The following CFL1 variants were observed in gnomAD, a reference collection of about 807,000 sequenced individuals.
CFL1 encodes the protein cofilin 1.
A neutral mutation model predicts 16.3 loss-of-function variants in CFL1; 2 were observed. That is an observed-to-expected ratio of 0.12 (90% CI 0.05 to 0.39). CFL1 has a LOEUF of 0.39. Among genes scored for constraint, CFL1 ranks in the 10% least tolerant of loss-of-function variants. The probability of loss-of-function intolerance (pLI) is 0.99; values close to 1 mark genes in which losing one functional copy is unlikely to be tolerated. For synonymous variants in CFL1, 111 were observed against 84.4 expected (o/e 1.31, Z -1.73); for missense variants, 75 against 212.2 (o/e 0.35, Z 4.02).
Position 65,855,728 on chromosome 11 carries a change from G to A in CFL1, c.314C>T (p.Ala105Val). 1.3e-6 allele frequency: 2 copies of A among 1,542,840 alleles called. No individual in the cohort carries two copies. The highest frequency in any genetic ancestry group is 1.7e-6 in the Non-Finnish European group (2 of 1,147,152). The change falls in exon 3 of 4, where the codon GCC (alanine) becomes GTC (valine). Residue 105 changes from alanine (A) to valine (V), a missense_variant and splice_region_variant. Transcript: ENST00000308162. ...KKEDLVFIFW[A>V]PESAPLKSKM... ...GCTCTTAAGGGGCGCAGACTCGGGG[G>A]CCCTGGACAGAAACACGCGTCAGGC...
chr11:65,855,062 C>A lies in CFL1; in HGVS notation c.*274G>T, dbSNP rs1488655836. On this transcript the variant is annotated 3_prime_UTR_variant, in exon 4 of 4. Transcript: ENST00000308162. Reference sequence around the variant, plus strand: ...TTGTTAAAAAAAATACAGGCTCCCCCACAACTGGGGTGCCTGGGGGGAACT... The same window carrying A: ...TTGTTAAAAAAAATACAGGCTCCCCAACAACTGGGGTGCCTGGGGGGAACT... 4.8e-6 allele frequency: 2 copies of A among 415,450 alleles called. No homozygotes were observed. Among genetic ancestry groups the A allele is most frequent in the Non-Finnish European group, 8.9e-6 (2 of 223,794 alleles). 25.7% of individuals were successfully genotyped at this position (415,450 alleles called of 1,614,324 possible). A position where few individuals can be genotyped will look rare whatever the true frequency, so the allele number is the denominator to read the frequency against.
chr11:65,855,510 G>A (rs1859369513), intron 3 of CFL1, 62 bp from the exon 4 acceptor site: 11 of 1,577,768 alleles, frequency 7.0e-6, no homozygotes, highest in Non-Finnish European at 9.6e-6. Flanking sequence ...TAGTTTCTGT[G>A]GCTGGGAAGG....
intron 1 of CFL1, chr11:65,857,436 G>A (rs968905466): frequency 9.2e-6 from 4 of 434,936 alleles, no homozygotes; most frequent in South Asian, 4.8e-5. Flanking sequence ...GCACGGGTGA[G>A]AACGCAGCTC....
Position 65,854,813 on chromosome 11 carries a change from TTTATTA to T in CFL1, c.*517_*522del, listed in dbSNP as rs1395242863. ...AAAACACATCCCATTAATGAGCCTTTTTATTATTGTCTTTTTTTTTTTTAATCGAAG... is the reference window on the plus strand; with the variant it reads ...AAAACACATCCCATTAATGAGCCTTTTTGTCTTTTTTTTTTTTAATCGAAG... On this transcript the variant is annotated 3_prime_UTR_variant, in exon 4 of 4. Transcript: ENST00000308162. 2 of 153,730 alleles carry T rather than the reference TTTATTA, an allele frequency of 1.3e-5. No homozygotes were observed. The highest frequency in any genetic ancestry group is 2.4e-5 in the African/African-American group (1 of 41,094). The allele number at this position is 153,730 out of a possible 1,614,324, so 9.5% of individuals were successfully genotyped here.
Position 65,854,975 on chromosome 11 carries a change from C to T in CFL1, c.*361G>A, listed in dbSNP as rs1393352800. 4 of 288,796 alleles carry T rather than the reference C, an allele frequency of 1.4e-5. No homozygotes were observed. Among genetic ancestry groups the T allele is most frequent in the Non-Finnish European group, 2.7e-5 (4 of 145,462 alleles). The allele number at this position is 288,796 out of a possible 1,614,324, so 17.9% of individuals were successfully genotyped here. ...AGAACTAAACAGACAAGCACAGAGTCACTATTGCGGTTAGAAGTTGGCAGC... is the reference window on the plus strand; with the variant it reads ...AGAACTAAACAGACAAGCACAGAGTTACTATTGCGGTTAGAAGTTGGCAGC... On this transcript the variant is annotated 3_prime_UTR_variant, in exon 4 of 4. Transcript: ENST00000308162.
chr11:65,855,870 G>C, intron 2 of CFL1, 65 bp downstream of exon 2: 1 of 1,558,800 alleles, frequency 6.4e-7, no homozygotes, highest in Non-Finnish European at 8.7e-7. Flanking sequence ...TTGACCAGGA[G>C]CCACAGAAGT....
In CFL1 at chr11:65,858,053, C is replaced by T. The variant is rs1228596067; in HGVS notation, c.3+44G>A. On this transcript the variant is annotated intron_variant, in intron 1 of 3. Transcript: ENST00000308162. ...CAGTCGCTTCCCGCGCGCAGGCGAC[C>T]GACCCGCAGCCGCCTCCCTCAGGCG... 3.7e-5 allele frequency: 57 copies of T among 1,522,190 alleles called. No individual in the cohort carries two copies. Among genetic ancestry groups the T allele is most frequent in the Non-Finnish European group, 4.6e-5 (52 of 1,135,944 alleles). The allele number at this position is 1,522,190 out of a possible 1,614,324, so 94.3% of individuals were successfully genotyped here.
rs1043776880 is a variant in CFL1 at position 65,855,266 on chromosome 11, G to C, written c.*70C>G. The stretch of plus-strand genomic sequence containing the variant: ...CCAGCCCCTCCGGTCTGGCAGGAAG[G>C]GGGCAGCCTGCAACCCCCAAGGGCA... On this transcript the variant is annotated 3_prime_UTR_variant, in exon 4 of 4. Transcript: ENST00000308162. The C allele has an allele frequency of 9.0e-6, 12 of 1,332,036 alleles. No homozygotes were observed. The East Asian group carries it at 2.1e-4, about 23-fold the overall frequency. The allele number at this position is 1,332,036 out of a possible 1,614,324, so 82.5% of individuals were successfully genotyped here.
intron 1 of CFL1, chr11:65,857,134 G>A (rs374321418): frequency 1.9e-5 from 3 of 160,390 alleles, no homozygotes; most frequent in Non-Finnish European, 2.8e-5. Flanking sequence ...GCATCTCCAG[G>A]TCCCTAACCC....
rs949801861 is a variant in CFL1, at chr11:65,858,118, G to C, written c.-19C>G. The C allele has an allele frequency of 7.2e-6, 11 of 1,530,666 alleles. No homozygotes were observed. In the Middle Eastern group the frequency reaches 6.9e-4, roughly 97 times the overall value. The allele number at this position is 1,530,666 out of a possible 1,614,324, so 94.8% of individuals were successfully genotyped here. A position where few individuals can be genotyped will look rare whatever the true frequency, so the allele number is the denominator to read the frequency against. On this transcript the variant is annotated 5_prime_UTR_variant, in exon 1 of 4. Transcript: ENST00000308162. ...TCACCATGTTTCCGGAAACGAAAAG[G>C]AGAGGGCACCGAGAGCCGCAGAAGA...
intron 1 of CFL1, 63 bp from the exon 2 acceptor site, chr11:65,856,305 A>C (rs1412920152): frequency 6.6e-7 from 1 of 1,517,716 alleles, no homozygotes; most frequent in East Asian, 2.3e-5. Flanking sequence ...TTGTTTTTTC[A>C]GAAGATCTCA....
chr11:65,856,234 A>G lies in CFL1; in HGVS notation c.12T>C (p.Gly4=). 1 of 1,613,288 alleles carries G rather than the reference A, an allele frequency of 6.2e-7. No individual in the cohort carries two copies. The highest frequency in any genetic ancestry group is 8.5e-7 in the Non-Finnish European group (1 of 1,179,266). ...TGATGACACCATCAGAGACAGCCACACCGGAGGCCTAGGAGACATGCCACG... is the reference window on the plus strand; with the variant it reads ...TGATGACACCATCAGAGACAGCCACGCCGGAGGCCTAGGAGACATGCCACG... MAS[G]VAVSDGVIKV... Residue 4 remains glycine (G), a synonymous_variant, in exon 2 of 4, where the codon GGT becomes GGC. Coordinates refer to ENST00000308162, the MANE Select transcript of CFL1 (RefSeq NM_005507.3).
At position 65,855,280 on chromosome 11, in the gene CFL1, C is replaced by T; in HGVS notation, c.*56G>A. 6.8e-7 allele frequency: 1 copy of T among 1,470,850 alleles called. No individual in the cohort carries two copies. The highest frequency in any genetic ancestry group is 9.5e-7 in the Non-Finnish European group (1 of 1,053,294). 91.1% of individuals were successfully genotyped at this position (1,470,850 alleles called of 1,614,324 possible). On this transcript the variant is annotated 3_prime_UTR_variant, in exon 4 of 4. Coordinates refer to ENST00000308162, the MANE Select transcript of CFL1 (RefSeq NM_005507.3). Reference sequence around the variant, plus strand: ...CTGGCAGGAAGGGGGCAGCCTGCAACCCCCAAGGGCAGGTGTGGGGCTGCC... The same window carrying T: ...CTGGCAGGAAGGGGGCAGCCTGCAATCCCCAAGGGCAGGTGTGGGGCTGCC...
rs1331844927 is a variant in CFL1, at chr11:65,855,261, G to A, written c.*75C>T. 7 of 1,279,476 alleles carry A rather than the reference G, an allele frequency of 5.5e-6. No homozygotes were observed. The highest frequency in any genetic ancestry group is 6.8e-6 in the Non-Finnish European group (6 of 882,720). The allele number at this position is 1,279,476 out of a possible 1,614,324, so 79.3% of individuals were successfully genotyped here. A position where few individuals can be genotyped will look rare whatever the true frequency, so the allele number is the denominator to read the frequency against. On this transcript the variant is annotated 3_prime_UTR_variant, in exon 4 of 4. Transcript: ENST00000308162. ...TCCCCCCAGCCCCTCCGGTCTGGCA[G>A]GAAGGGGGCAGCCTGCAACCCCCAA...
chr11:65,855,788 G>A, intron 2 of CFL1, 58 bp from the exon 3 acceptor site: 1 of 1,518,876 alleles, frequency 6.6e-7, no homozygotes, highest in Non-Finnish European at 8.8e-7. Flanking sequence ...AGGTGACTTT[G>A]AGAAACCCTT....
At chr11:65,857,826 G>T in intron 1 of CFL1, 1 of 257,470 alleles carries the variant, frequency 3.9e-6, no homozygotes, top group Non-Finnish European at 7.3e-6. Flanking sequence ...CGCGCGCCCC[G>T]AACCCCTCCC....
intron 1 of CFL1, chr11:65,856,908 C>T (rs1452232287): frequency 6.5e-6 from 1 of 153,318 alleles, no homozygotes; most frequent in African/African-American, 2.4e-5. Context: ...CCAGAGGCCT[C>T]GAGGTCTTTA....
At chr11:65,855,875 A>G in intron 2 of CFL1, 60 bp downstream of exon 2, 2 of 1,568,960 alleles carry the variant, frequency 1.3e-6, no homozygotes, top group South Asian at 1.2e-5. Flanking sequence ...CAGGAGCCAC[A>G]GAAGTTCCCA....
rs1859357057 is a variant in CFL1 at position 65,855,052 on chromosome 11, C to T, written c.*284G>A. On this transcript the variant is annotated 3_prime_UTR_variant, in exon 4 of 4. Transcript: ENST00000308162. Reference sequence around the variant, plus strand: ...AATGGGGATGTTGTTAAAAAAAATACAGGCTCCCCCACAACTGGGGTGCCT... The same window carrying T: ...AATGGGGATGTTGTTAAAAAAAATATAGGCTCCCCCACAACTGGGGTGCCT... The T allele has an allele frequency of 2.6e-6, 1 of 391,246 alleles. No individual in the cohort carries two copies. Among genetic ancestry groups the T allele is most frequent in the South Asian group, 2.7e-5 (1 of 36,392 alleles). 24.2% of individuals were successfully genotyped at this position (391,246 alleles called of 1,614,324 possible). A position where few individuals can be genotyped will look rare whatever the true frequency, so the allele number is the denominator to read the frequency against.
Sources: allele counts gnomAD v4.1 joint callset, GRCh38; gene constraint gnomAD v4.1.1; transcripts MANE v1.5; gene names NCBI Gene and HGNC (gene_info 2026-07-23, HGNC 2026-07-21).